The following SV2B variants were observed in gnomAD, a reference collection of about 807,000 sequenced individuals.
The protein encoded by SV2B is solute carrier family 22 member B2.
A neutral mutation model predicts 73.9 loss-of-function variants in SV2B; 41 were observed. That is an observed-to-expected ratio of 0.56 (90% CI 0.43 to 0.72). SV2B has a LOEUF of 0.72. Among genes scored for constraint, SV2B ranks in the 30% least tolerant of loss-of-function variants. The pLI, the probability that SV2B is intolerant of heterozygous loss-of-function variation, is 0.00. For synonymous variants in SV2B, 314 were observed against 314.2 expected (o/e 1.00, Z 0.01); for missense variants, 764 against 857.8 (o/e 0.89, Z 1.37).
intron 11 of SV2B, among the ~76,000 whole-genome samples, chr15:91,285,392 A>G (rs889855235): frequency 2.0e-5 from 3 of 152,172 alleles, no homozygotes; most frequent in Admixed American, 2.0e-4. Flanking sequence ...CTCGTCCATA[A>G]CCCGTGTCCA....
rs1335987074 is a variant in SV2B at position 91,234,018 on chromosome 15, A to G, written c.451+7304A>G. Among the ~76,000 whole-genome samples, 1 of 152,218 alleles carries G rather than the reference A, an allele frequency of 6.6e-6. No homozygotes were observed. The highest frequency in any genetic ancestry group is 2.4e-5 in the African/African-American group (1 of 41,460). On this transcript the variant is annotated intron_variant, in intron 2 of 12. Coordinates refer to ENST00000394232, the MANE Select transcript of SV2B (RefSeq NM_001323032.3). The surrounding 1 kb of genome is among the most constrained non-coding windows in gnomAD (Gnocchi z 5.6). ...TACATTTATTGATTTGGGCCCACTA[A>G]GCAGAAATTCTGCATTTAATGTTGC...
Position 91,132,025 on chromosome 15 carries a change from C to A in SV2B, c.-392+31662C>A, listed in dbSNP as rs147885231. Among the ~76,000 whole-genome samples, 1 of 152,156 alleles carries A rather than the reference C, an allele frequency of 6.6e-6. No individual in the cohort carries two copies. Among genetic ancestry groups the A allele is most frequent in the Non-Finnish European group, 1.5e-5 (1 of 67,996 alleles). ...TGTGGTGATGTCACTGGTAGAGGGT[C>A]GTGACTGCAAGTTATTGAGGTTCTT... On this transcript the variant is annotated intron_variant, in intron 1 of 12. Coordinates refer to ENST00000394232, the MANE Select transcript of SV2B (RefSeq NM_001323032.3). The surrounding 1 kb of genome is among the most constrained non-coding windows in gnomAD (Gnocchi z 4.6).
At chr15:91,131,397 G>A (rs2042644301) in intron 1 of SV2B, among the ~76,000 whole-genome samples, 1 of 151,602 alleles carries the variant, frequency 6.6e-6, no homozygotes, top group Admixed American at 6.6e-5. Context: ...GGGGGGGGTT[G>A]GGCAGATAAG....
intron 9 of SV2B, among the ~76,000 whole-genome samples, chr15:91,278,810 C>G (rs1293548909): frequency 1.3e-5 from 2 of 151,740 alleles, no homozygotes; most frequent in South Asian, 2.1e-4. Flanking sequence ...TGATTTACCT[C>G]AGATTAGGAC....
At chr15:91,276,290 T>G (rs2048485186) in intron 9 of SV2B, among the ~76,000 whole-genome samples, 1 of 152,082 alleles carries the variant, frequency 6.6e-6, no homozygotes, top group African/African-American at 2.4e-5. Context: ...CTCATCTTCC[T>G]TCTCCTCCTT....
At position 91,223,015 on chromosome 15, in the gene SV2B, AAC is replaced by A. The variant is rs1481890800; in HGVS notation, c.-391-2854_-391-2853del. On this transcript the variant is annotated intron_variant, in intron 1 of 12. Transcript: ENST00000394232. This position sits in a 1 kb window ranked among gnomAD's most constrained non-coding sequence, Gnocchi z 4.6. ...CTTAGATGTTCAGAATCAGGGTGTC[AAC>A]ACAGTTGATTCCTTCTGAGAGCTGT... is the stretch of plus-strand genomic sequence containing the variant. Among the ~76,000 whole-genome samples, 1 of 152,200 alleles carries A rather than the reference AAC, an allele frequency of 6.6e-6. No homozygotes were observed. Among genetic ancestry groups the A allele is most frequent in the African/African-American group, 2.4e-5 (1 of 41,438 alleles).
chr15:91,252,771 C>T lies in SV2B; in HGVS notation c.784+251C>T, dbSNP rs770231767. 2.6e-5 allele frequency among the ~76,000 whole-genome samples: 4 copies of T among 151,938 alleles called. No homozygotes were observed. The highest frequency in any genetic ancestry group is 4.4e-5 in the Non-Finnish European group (3 of 68,002). On this transcript the variant is annotated intron_variant, in intron 4 of 12. Transcript: ENST00000394232. The surrounding 1 kb of genome is among the most constrained non-coding windows in gnomAD (Gnocchi z 4.6). ...TCCTTCATTCTTCCCTTTCTCCTTC[C>T]CTCTCTCCCTTTCTTGTTTCCTTAC...
chr15:91,166,549 A>G (rs893628970), intron 1 of SV2B, among the ~76,000 whole-genome samples: 27 of 151,892 alleles, frequency 1.8e-4, no homozygotes, highest in Non-Finnish European at 7.4e-5. Flanking sequence ...TTCAGCACCT[A>G]TCTTTTTCTC....
chr15:91,285,746 C>T (rs549495009), intron 11 of SV2B, among the ~76,000 whole-genome samples: 330 of 152,276 alleles, frequency 2.2e-3, no homozygotes, highest in Non-Finnish European at 3.7e-3. Flanking sequence ...CCAATGGAGT[C>T]TCTGGTCTGT....
At chr15:91,211,763 A>G (rs1218068683) in intron 1 of SV2B, among the ~76,000 whole-genome samples, 1 of 149,204 alleles carries the variant, frequency 6.7e-6, no homozygotes, top group Non-Finnish European at 1.5e-5. Flanking sequence ...CAGCCTCCCA[A>G]AGTGCTGGGA....
intron 1 of SV2B, among the ~76,000 whole-genome samples, chr15:91,104,374 G>A (rs2041819841): frequency 6.6e-6 from 1 of 152,232 alleles, no homozygotes; most frequent in Non-Finnish European, 1.5e-5. Context: ...ACATGGTAGT[G>A]GCAGGAGGCT....
At chr15:91,119,900 C>T (rs2042282955) in intron 1 of SV2B, among the ~76,000 whole-genome samples, 1 of 152,158 alleles carries the variant, frequency 6.6e-6, no homozygotes. Flanking sequence ...TTTTTCCATG[C>T]TGTATGTCCA....
At position 91,245,666 on chromosome 15, in the gene SV2B, A is replaced by G. The variant is rs1457489540; in HGVS notation, c.452-6153A>G. Among the ~76,000 whole-genome samples, 2 of 152,224 alleles carry G rather than the reference A, an allele frequency of 1.3e-5. No homozygotes were observed. Among genetic ancestry groups the G allele is most frequent in the African/African-American group, 2.4e-5 (1 of 41,460 alleles). ...CGAACTCTCCTCAAGCAAAATCAAC[A>G]TGGTCCCTTCGTCCAGGAGTTTACA... On this transcript the variant is annotated intron_variant, in intron 2 of 12. Transcript: ENST00000394232. The surrounding 1 kb of genome is among the most constrained non-coding windows in gnomAD (Gnocchi z 4.2).
intron 2 of SV2B, among the ~76,000 whole-genome samples, chr15:91,237,182 A>T (rs1301217564): frequency 6.6e-6 from 1 of 152,232 alleles, no homozygotes; most frequent in East Asian, 1.9e-4. Flanking sequence ...ATGTTTGTGC[A>T]GTATGGGCAG....
intron 1 of SV2B, among the ~76,000 whole-genome samples, chr15:91,190,298 A>G (rs374193824): frequency 6.6e-5 from 10 of 151,570 alleles, no homozygotes; most frequent in South Asian, 2.1e-4. Context: ...TCATTCATCA[A>G]TAGTGATCAT....
At chr15:91,150,029 G>T (rs2043265861) in intron 1 of SV2B, among the ~76,000 whole-genome samples, 1 of 151,908 alleles carries the variant, frequency 6.6e-6, no homozygotes, top group Non-Finnish European at 1.5e-5. Context: ...TTTTTTGACA[G>T]AGTCTCACTC....
chr15:91,204,474 T>C (rs2045565248), intron 1 of SV2B, among the ~76,000 whole-genome samples: 1 of 151,950 alleles, frequency 6.6e-6, no homozygotes, highest in South Asian at 2.1e-4. Flanking sequence ...TGAGAGTTGA[T>C]AATAGTAGGT....
intron 11 of SV2B, among the ~76,000 whole-genome samples, chr15:91,287,500 G>A (rs1270339832): frequency 6.6e-6 from 1 of 152,136 alleles, no homozygotes; most frequent in Non-Finnish European, 1.5e-5. Flanking sequence ...CCTTGGACTT[G>A]GAGCTTGCAT....
chr15:91,251,725 TA>T, intron 2 of SV2B, 93 bp from the exon 3 acceptor site: 1 of 1,365,468 alleles, frequency 7.3e-7, no homozygotes, highest in Non-Finnish European at 9.9e-7. Flanking sequence ...AATTCTAGGA[TA>T]AATAAAAATG....
Sources: gnomAD v4.1 joint callset for allele counts (sites outside exome capture counted in the v4.1 genomes callset) on GRCh38, gnomAD v4.1.1 for gene constraint, Gnocchi (gnomAD v3.1) non-coding constraint, MANE v1.5 for transcripts, NCBI Gene and HGNC (gene_info 2026-07-23, HGNC 2026-07-21) for gene names.